ACSBG1: variants seen among roughly 807,000 people sequenced by gnomAD.
ACSBG1 encodes the protein long-chain-fatty-acid--CoA ligase ACSBG1.
Under a neutral mutation model 80.2 loss-of-function variants are expected in ACSBG1, and 39 were observed. That is an observed-to-expected ratio of 0.49 (90% confidence interval 0.38 to 0.64). ACSBG1 has a LOEUF of 0.64. ACSBG1 is among the 30% of genes least tolerant of loss of function. The probability of loss-of-function intolerance (pLI) is 0.00; values close to 1 mark genes in which losing one functional copy is unlikely to be tolerated. For missense variants in ACSBG1, 828 were observed against 966.4 expected (o/e 0.86, Z 1.90); for synonymous variants, 392 against 379.5 (o/e 1.03, Z -0.38).
chr15:78,193,784 C>T lies in ACSBG1; in HGVS notation c.542+148G>A, dbSNP rs567302588. 8.8e-5 allele frequency: 125 copies of T among 1,412,754 alleles called. No individual in the cohort carries two copies. The African/African-American group carries it at 1.2e-3, about 14-fold the overall frequency. 87.5% of individuals were successfully genotyped at this position (1,412,754 alleles called of 1,614,324 possible). ...AGCACCTCCTCCCCTGCAGAGAGGG[C>T]GCCAGATGCAGGTCCACCAGAAGGC... On this transcript the variant is annotated intron_variant, in intron 4 of 13. Transcript: ENST00000258873.
intron 2 of ACSBG1, among the ~76,000 whole-genome samples, chr15:78,195,601 C>T (rs1347829996): frequency 6.6e-6 from 1 of 152,164 alleles, no homozygotes; most frequent in Non-Finnish European, 1.5e-5. Flanking sequence ...TCAGGGTGGA[C>T]ATGAGGATCA....
In ACSBG1 at chr15:78,172,088, G is replaced by A. The variant is rs1447381087; in HGVS notation, c.2090-559C>T. 1 of 152,510 alleles carries A rather than the reference G, an allele frequency of 6.6e-6. No homozygotes were observed. The highest frequency in any genetic ancestry group is 1.9e-4 in the East Asian group (1 of 5,190). The allele number at this position is 152,510 out of a possible 1,614,324, so 9.4% of individuals were successfully genotyped here. A position where few individuals can be genotyped will look rare whatever the true frequency, so the allele number is the denominator to read the frequency against. ...GGCCAGCAGACAGCAAGGAGCTGAG[G>A]CCTGCCGACAGCCACGTAAGTGAGC... is the stretch of plus-strand genomic sequence containing the variant. On this transcript the variant is annotated intron_variant, in intron 13 of 13. Transcript: ENST00000258873. This position sits in a 1 kb window ranked among gnomAD's most constrained non-coding sequence, Gnocchi z 4.1.
chr15:78,182,618 G>A lies in ACSBG1; in HGVS notation c.745-3C>T. ...CCCAGCTCCATGAATTCCTCCATCT[G>A]TAGCCAGATGCAGGGAGCAGGCAGG... On this transcript the variant is annotated splice_region_variant and splice_polypyrimidine_tract_variant and intron_variant, in intron 6 of 13. Transcript: ENST00000258873. 1 of 1,613,976 alleles carries A rather than the reference G, an allele frequency of 6.2e-7. No individual in the cohort carries two copies. Among genetic ancestry groups the A allele is most frequent in the Non-Finnish European group, 8.5e-7 (1 of 1,179,876 alleles).
At chr15:78,193,341 G>A (rs575131904) in intron 5 of ACSBG1, among the ~76,000 whole-genome samples, 165 bp downstream of exon 5, 2 of 152,220 alleles carry the variant, frequency 1.3e-5, no homozygotes, top group Non-Finnish European at 2.9e-5. Context: ...TGTCAAATGG[G>A]TAAGTAGCCG....
intron 1 of ACSBG1, among the ~76,000 whole-genome samples, chr15:78,215,780 A>AAGAAAGAG (rs1567096454): frequency 1.4e-5 from 2 of 147,830 alleles, no homozygotes; most frequent in Admixed American, 1.3e-4. Context: ...GAAAGAAAGA[A>AAGAAAGAG]AGAAAGAGAA....
At chr15:78,196,808 G>A (rs536854905) in intron 2 of ACSBG1, among the ~76,000 whole-genome samples, 22 of 152,116 alleles carry the variant, frequency 1.4e-4, no homozygotes, top group African/African-American at 3.4e-4. Flanking sequence ...GCAGTGGCTC[G>A]CACCTGTAAA....
At chr15:78,190,100 A>G (rs1251234875) in intron 5 of ACSBG1, among the ~76,000 whole-genome samples, 4 of 152,132 alleles carry the variant, frequency 2.6e-5, no homozygotes, top group Non-Finnish European at 5.9e-5. Context: ...TCCTTCTTTA[A>G]AATTTTCTCT....
chr15:78,187,029 G>C (rs1387009448), intron 5 of ACSBG1, among the ~76,000 whole-genome samples: 3 of 152,150 alleles, frequency 2.0e-5, no homozygotes, highest in Non-Finnish European at 2.9e-5. Flanking sequence ...ACTACCATCA[G>C]AGAATACTAC....
At chr15:78,180,592 C>T (rs1484973278) in intron 9 of ACSBG1, among the ~76,000 whole-genome samples, 163 bp downstream of exon 9, 1 of 152,196 alleles carries the variant, frequency 6.6e-6, no homozygotes, top group African/African-American at 2.4e-5. Flanking sequence ...GGGAAACGCA[C>T]AGGAGCTCAA....
chr15:78,207,928 A>ACCCCCCCCACCCCCACACCC, intron 2 of ACSBG1, 74 bp downstream of exon 2: 1 of 383,788 alleles, frequency 2.6e-6, no homozygotes, highest in Non-Finnish European at 5.2e-6. Flanking sequence ...CCCCCACACC[A>ACCCCCCCCACCCCCACACCC]CCCACCCCTC....
intron 1 of ACSBG1, among the ~76,000 whole-genome samples, chr15:78,215,940 A>T (rs1030747781): frequency 2.6e-5 from 4 of 152,294 alleles, no homozygotes; most frequent in Admixed American, 2.6e-4. Context: ...GCTGTGGTAG[A>T]GCCGCCTATG....
At chr15:78,199,050 G>T (rs1055187339) in intron 2 of ACSBG1, among the ~76,000 whole-genome samples, 3 of 151,976 alleles carry the variant, frequency 2.0e-5, no homozygotes, top group African/African-American at 7.3e-5. Context: ...TCCACCTTTT[G>T]TTTCTCTGCT....
In ACSBG1 at chr15:78,195,997, C is replaced by T. The variant is rs965491919; in HGVS notation, c.233-1271G>A. On this transcript the variant is annotated intron_variant, in intron 2 of 13. Transcript: ENST00000258873. ...GATCTGGGGGCTGGGACAGGAGAGC[C>T]CATTCCTCCTCCTGTGGAGGGCCGG... Among the ~76,000 whole-genome samples the T allele has an allele frequency of 3.3e-5, 5 of 152,214 alleles. No individual in the cohort carries two copies. In the East Asian group the frequency reaches 9.6e-4, roughly 29 times the overall value.
chr15:78,233,583 GTCAAGGTCCATC>G (rs2075467050), intron 1 of ACSBG1, among the ~76,000 whole-genome samples: 1 of 152,164 alleles, frequency 6.6e-6, no homozygotes, highest in Non-Finnish European at 1.5e-5. Flanking sequence ...CACTCTGACC[GTCAAGGTCCATC>G]TCAGGCGCCC....
At chr15:78,175,036 A>G (rs1342755858) in intron 11 of ACSBG1, among the ~76,000 whole-genome samples, 1 of 152,230 alleles carries the variant, frequency 6.6e-6, no homozygotes, top group Non-Finnish European at 1.5e-5. Context: ...CTCACATGCT[A>G]ATAAGTGGCA....
Position 78,178,098 on chromosome 15 carries a change from C to G in ACSBG1, c.1702+516G>C, listed in dbSNP as rs1326344380. ...GGTGACCTTAGGCAAGTTACTTAAC[C>G]TCTCTGGATGTCCTCATTAGCAAGT... On this transcript the variant is annotated intron_variant, in intron 11 of 13. Transcript: ENST00000258873. This position sits in a 1 kb window ranked among gnomAD's most constrained non-coding sequence, Gnocchi z 4.3. Among the ~76,000 whole-genome samples the G allele has an allele frequency of 1.3e-5, 2 of 152,150 alleles. No homozygotes were observed. The highest frequency in any genetic ancestry group is 4.8e-5 in the African/African-American group (2 of 41,418).
At chr15:78,193,364 G>A in intron 5 of ACSBG1, 142 bp downstream of exon 5, 1 of 1,236,096 alleles carries the variant, frequency 8.1e-7, no homozygotes, top group South Asian at 1.7e-5. Flanking sequence ...GCCCTGCCTT[G>A]CTTGCTGTGT....
intron 2 of ACSBG1, among the ~76,000 whole-genome samples, chr15:78,204,686 C>T (rs567543926): frequency 3.9e-5 from 6 of 152,350 alleles, no homozygotes; most frequent in South Asian, 2.1e-4. Context: ...CCTTTCCTGC[C>T]GGCCCCCATC....
intron 1 of ACSBG1, among the ~76,000 whole-genome samples, chr15:78,214,973 C>T (rs909643902): frequency 1.3e-5 from 2 of 152,170 alleles, no homozygotes; most frequent in Admixed American, 6.5e-5. Context: ...CAGTTTGACT[C>T]GAATACTGGT....
Sources: gnomAD v4.1 joint callset for allele counts (sites outside exome capture counted in the v4.1 genomes callset) on GRCh38, gnomAD v4.1.1 for gene constraint, Gnocchi (gnomAD v3.1) non-coding constraint, MANE v1.5 for transcripts, NCBI Gene and HGNC (gene_info 2026-07-23, HGNC 2026-07-21) for gene names.